Variants in SIL1 observed in about 807,000 individuals in gnomAD.
SIL1 encodes nucleotide exchange factor SIL1.
SIL1 carries 40 observed loss-of-function variants against 49.1 expected under a neutral mutation model. That is an observed-to-expected ratio of 0.81 (90% CI 0.63 to 1.06). SIL1 has a LOEUF of 1.06. Among genes scored for constraint, SIL1 ranks in the 50% least tolerant of loss-of-function variants. The pLI is 0.00. For synonymous variants in SIL1, 253 were observed against 250.8 expected (o/e 1.01, Z -0.08); for missense variants, 500 against 572.6 (o/e 0.87, Z 1.29).
intron 3 of SIL1, among the ~76,000 whole-genome samples, chr5:139,114,804 G>A (rs1240537120): frequency 6.6e-6 from 1 of 152,182 alleles, no homozygotes; most frequent in African/African-American, 2.4e-5. Flanking sequence ...CACCCCAACA[G>A]AATCAGGCTG....
chr5:139,172,758 A>G (rs1751800242), intron 1 of SIL1, among the ~76,000 whole-genome samples: 1 of 152,228 alleles, frequency 6.6e-6, no homozygotes, highest in African/African-American at 2.4e-5. Flanking sequence ...CCCACTCCCA[A>G]GATGGCAGCC....
At chr5:139,014,895 T>C (rs1768365290) in intron 7 of SIL1, among the ~76,000 whole-genome samples, 1 of 152,318 alleles carries the variant, frequency 6.6e-6, no homozygotes, top group South Asian at 2.1e-4. Context: ...TGAACTTTTA[T>C]TCAAACACTG....
intron 1 of SIL1, among the ~76,000 whole-genome samples, chr5:139,177,289 G>A (rs530452781): frequency 8.6e-5 from 13 of 151,666 alleles, no homozygotes; most frequent in African/African-American, 2.9e-4. Context: ...ACCCAGGCTG[G>A]AGTGCAGTGG....
intron 5 of SIL1, among the ~76,000 whole-genome samples, chr5:139,041,358 C>T (rs1769044316): frequency 6.6e-6 from 1 of 152,152 alleles, no homozygotes. Flanking sequence ...AGTTTCCTAT[C>T]CCCCAAAAAG....
chr5:139,153,937 G>C (rs903265213), intron 1 of SIL1, among the ~76,000 whole-genome samples: 1 of 152,162 alleles, frequency 6.6e-6, no homozygotes, highest in Non-Finnish European at 1.5e-5. Flanking sequence ...CTTTCCCCGA[G>C]TGTCCAGCCC....
At chr5:138,985,171 G>T (rs571963890) in intron 7 of SIL1, among the ~76,000 whole-genome samples, 90 of 152,332 alleles carry the variant, frequency 5.9e-4, no homozygotes, top group African/African-American at 2.0e-3. Context: ...GATATTTTAA[G>T]TATGTTCAAT....
At chr5:138,979,707 C>T (rs1292656040) in intron 7 of SIL1, among the ~76,000 whole-genome samples, 1 of 152,096 alleles carries the variant, frequency 6.6e-6, no homozygotes, top group Non-Finnish European at 1.5e-5. Context: ...TTTTTAGGGC[C>T]AGAGGAGATG....
intron 7 of SIL1, among the ~76,000 whole-genome samples, chr5:139,019,841 C>T (rs1485621162): frequency 6.6e-6 from 1 of 152,124 alleles, no homozygotes. Flanking sequence ...CAAAAAGGGT[C>T]TGGAGAGAGG....
chr5:139,027,202 C>T (rs996656024), intron 5 of SIL1, among the ~76,000 whole-genome samples: 1 of 152,216 alleles, frequency 6.6e-6, no homozygotes, highest in Admixed American at 6.5e-5. Flanking sequence ...GCTCTAAAAA[C>T]ACACTCAAGA....
At chr5:139,188,576 T>C (rs1581160611) in intron 1 of SIL1, among the ~76,000 whole-genome samples, 1 of 152,226 alleles carries the variant, frequency 6.6e-6, no homozygotes, top group African/African-American at 2.4e-5. Flanking sequence ...GAACCAGTTG[T>C]ACATCTCAAA....
chr5:139,008,920 GA>G, intron 7 of SIL1, among the ~76,000 whole-genome samples: 1 of 151,530 alleles, frequency 6.6e-6, no homozygotes, highest in African/African-American at 2.4e-5. Flanking sequence ...GTGTGGTGCT[GA>G]AAAAAATGTA....
At chr5:138,973,512 A>C (rs1230594225) in intron 7 of SIL1, among the ~76,000 whole-genome samples, 1 of 152,094 alleles carries the variant, frequency 6.6e-6, no homozygotes, top group Non-Finnish European at 1.5e-5. Flanking sequence ...CCCAAGCTGG[A>C]GTACAGTGGT....
At chr5:138,956,438 C>T (rs1016869414) in intron 7 of SIL1, among the ~76,000 whole-genome samples, 1 of 152,174 alleles carries the variant, frequency 6.6e-6, no homozygotes, top group Admixed American at 6.5e-5. Context: ...GCTAGGTAAT[C>T]AATCAGTTAA....
intron 1 of SIL1, among the ~76,000 whole-genome samples, chr5:139,185,433 T>C (rs1752061346): frequency 6.6e-6 from 1 of 152,264 alleles, no homozygotes; most frequent in Non-Finnish European, 1.5e-5. Context: ...TTTAGAAGTT[T>C]GGTCATGTTT....
chr5:138,999,234 A>G (rs544620603), intron 7 of SIL1, among the ~76,000 whole-genome samples: 6 of 152,254 alleles, frequency 3.9e-5, no homozygotes, highest in African/African-American at 1.2e-4. Flanking sequence ...TTTTTCCATC[A>G]GTGTTTTATA....
At chr5:139,034,484 G>C (rs946941899) in intron 5 of SIL1, 2 of 151,892 alleles carry the variant, frequency 1.3e-5, no homozygotes, top group East Asian at 3.8e-4. Flanking sequence ...CTATGCTTTT[G>C]AGTGTAACTG....
At chr5:138,951,069 A>C in intron 9 of SIL1, 102 bp downstream of exon 9, 1 of 1,343,050 alleles carries the variant, frequency 7.4e-7, no homozygotes, top group Admixed American at 2.0e-5. Flanking sequence ...GCACACACAA[A>C]GCAAACAAGT....
intron 1 of SIL1, among the ~76,000 whole-genome samples, chr5:139,141,024 C>T (rs1751069703): frequency 6.6e-6 from 1 of 152,078 alleles, no homozygotes; most frequent in African/African-American, 2.4e-5. Flanking sequence ...GCCAAGACGT[C>T]CCCCCGCATT....
chr5:139,159,124 T>A (rs1751459504), intron 1 of SIL1, among the ~76,000 whole-genome samples: 1 of 149,470 alleles, frequency 6.7e-6, no homozygotes. Context: ...AAAGGCCCCA[T>A]CTCCTCATTT....
Sources: allele counts gnomAD v4.1 joint callset (sites outside exome capture counted in the v4.1 genomes callset), GRCh38; gene constraint gnomAD v4.1.1; transcripts MANE v1.5; gene names NCBI Gene and HGNC (gene_info 2026-07-23, HGNC 2026-07-21).